The following TMPRSS15 variants were observed in gnomAD, a reference collection of about 807,000 sequenced individuals.
TMPRSS15 encodes transmembrane serine protease 15.
TMPRSS15 carries 128 observed loss-of-function variants against 125.3 expected under a neutral mutation model. That is an observed-to-expected ratio of 1.02 (90% CI 0.89 to 1.18). TMPRSS15 has a LOEUF of 1.18. Among genes scored for constraint, TMPRSS15 ranks in the 50% most tolerant of loss-of-function variants. The pLI, the probability that TMPRSS15 is intolerant of heterozygous loss-of-function variation, is 0.00. For missense variants in TMPRSS15, 1,283 were observed against 1,212.7 expected, an observed-to-expected ratio of 1.06 and a Z score of -0.86; for synonymous variants, 446 against 423.2, an observed-to-expected ratio of 1.05 and a Z score of -0.66.
upstream of TMPRSS15, among the ~76,000 whole-genome samples, chr21:18,408,192 G>C (rs1481688623): frequency 6.6e-6 from 1 of 152,154 alleles, no homozygotes; most frequent in East Asian, 1.9e-4. Context: ...GTGTTCATTT[G>C]TTCACAAATA....
At chr21:18,448,854 T>A (rs1043735690) in intron 1 of TMPRSS15, among the ~76,000 whole-genome samples, 1 of 152,168 alleles carries the variant, frequency 6.6e-6, no homozygotes, top group Non-Finnish European at 1.5e-5. Flanking sequence ...AATATAATAC[T>A]TCAGTAAAAA....
intron 18 of TMPRSS15, among the ~76,000 whole-genome samples, chr21:18,310,696 C>A (rs2146931921): frequency 6.6e-6 from 1 of 151,980 alleles, no homozygotes; most frequent in Admixed American, 6.6e-5. Context: ...ACATTCTTCA[C>A]AGGAATAGAA....
chr21:18,276,979 TGGTCTCAAA>T (rs2146860097), intron 23 of TMPRSS15, among the ~76,000 whole-genome samples: 1 of 152,112 alleles, frequency 6.6e-6, no homozygotes, highest in East Asian at 1.9e-4. Context: ...TTGGCCAGGC[TGGTCTCAAA>T]CTCCTGACCT....
chr21:18,343,038 A>T (rs778236069), intron 12 of TMPRSS15, among the ~76,000 whole-genome samples: 1 of 152,230 alleles, frequency 6.6e-6, no homozygotes, highest in Non-Finnish European at 1.5e-5. Context: ...CCAATGCTAC[A>T]GCTCATATAA....
In TMPRSS15 at chr21:18,421,984, C is replaced by CTTTT. The variant is rs569146471; in HGVS notation, c.11-23659_11-23656dup. ...CAGAGGGCTGAAAGCAAGTATTACT[C>CTTTT]TTTTTTTTTTTTTTTTTCAGACTAC... On this transcript the variant is annotated intron_variant, in intron 1 of 7. Coordinates refer to the TMPRSS15 transcript ENST00000422787. Among the ~76,000 whole-genome samples the CTTTT allele has an allele frequency of 2.2e-3, 293 of 135,136 alleles. 3 individuals are homozygous for CTTTT. Among genetic ancestry groups the CTTTT allele is most frequent in the African/African-American group, 2.7e-3 (97 of 35,724 alleles). 88.7% of individuals were successfully genotyped at this position (135,136 alleles called of 152,430 possible).
chr21:18,387,612 T>TAC (rs57708622), intron 3 of TMPRSS15, among the ~76,000 whole-genome samples: 3,441 of 145,166 alleles, frequency 0.024, 54 homozygotes, highest in African/African-American at 0.04. Flanking sequence ...CACACACACA[T>TAC]ACACACACAC....
At chr21:18,278,851 C>G (rs1370722522) in intron 23 of TMPRSS15, 113 bp downstream of exon 23, 1 of 646,896 alleles carries the variant, frequency 1.5e-6, no homozygotes, top group African/African-American at 1.9e-5. Context: ...ATTGAAAAAA[C>G]TGTTATATAA....
intron 21 of TMPRSS15, among the ~76,000 whole-genome samples, chr21:18,285,360 A>G (rs2074750427): frequency 6.6e-6 from 1 of 152,224 alleles, no homozygotes; most frequent in South Asian, 2.1e-4. Flanking sequence ...TAAGACAGCT[A>G]TGATAGAGCA....
In TMPRSS15 at chr21:18,297,793, A is replaced by G. The variant is rs961872693; in HGVS notation, c.2202T>C (p.Asp734=). The part of the protein sequence containing the change: ...GNSSKPIFPT[D]GGPFVKLNTA... ...TGTTTAATTTGACAAATGGTCCACC[A>G]TCGGTAGGGAAGATTGGCTTTGATG... is the stretch of plus-strand genomic sequence containing the variant. Residue 734 remains aspartate, a synonymous_variant, in exon 19 of 25, where the codon GAT becomes GAC. Transcript: ENST00000284885. The G allele has an allele frequency of 3.1e-6, 5 of 1,613,840 alleles. No homozygotes were observed. Among genetic ancestry groups the G allele is most frequent in the African/African-American group, 2.7e-5 (2 of 75,042 alleles).
rs148853461 is a variant in TMPRSS15, at chr21:18,453,309, G to A, written c.10+32490C>T. Among the ~76,000 whole-genome samples the A allele has an allele frequency of 1.0e-3, 157 of 152,274 alleles. 3 individuals are homozygous for A. In the East Asian group the frequency reaches 0.029, roughly 28 times the overall value. On this transcript the variant is annotated intron_variant, in intron 1 of 7. Transcript: ENST00000422787. ...GCCCTCCAGATACTCATAAACACGT[G>A]TCATGCTCTCCACCCCATATCTCTG...
intron 16 of TMPRSS15, among the ~76,000 whole-genome samples, chr21:18,320,613 T>C (rs2075223934): frequency 6.6e-6 from 1 of 152,212 alleles, no homozygotes; most frequent in African/African-American, 2.4e-5. Context: ...TTATATTCTA[T>C]GAATCCAGAA....
chr21:18,393,509 T>C (rs1334362860), intron 3 of TMPRSS15, among the ~76,000 whole-genome samples: 1 of 152,188 alleles, frequency 6.6e-6, no homozygotes, highest in Non-Finnish European at 1.5e-5. Context: ...TGGACTAGAA[T>C]GAATTTTCTT....
chr21:18,356,081 C>T (rs1427927175), intron 8 of TMPRSS15, among the ~76,000 whole-genome samples: 1 of 151,790 alleles, frequency 6.6e-6, no homozygotes, highest in Non-Finnish European at 1.5e-5. Flanking sequence ...TACTAAAAAT[C>T]CAAAACTTTT....
intron 16 of TMPRSS15, among the ~76,000 whole-genome samples, chr21:18,319,546 A>C (rs1005414250): frequency 3.3e-5 from 5 of 149,382 alleles, no homozygotes; most frequent in Non-Finnish European, 7.4e-5. Flanking sequence ...CTCCTGCCTC[A>C]GCCTCCCAAG....
chr21:18,281,890 G>A (rs2074702892), intron 21 of TMPRSS15, among the ~76,000 whole-genome samples: 2 of 151,950 alleles, frequency 1.3e-5, no homozygotes, highest in South Asian at 2.1e-4. Flanking sequence ...AAGGTCAGGG[G>A]ATCGAGACCA....
intron 18 of TMPRSS15, among the ~76,000 whole-genome samples, chr21:18,304,157 C>A (rs956370978): frequency 1.3e-5 from 2 of 152,072 alleles, no homozygotes; most frequent in Admixed American, 6.6e-5. Flanking sequence ...GTGGTTCTAA[C>A]AAAGTCAAAG....
chr21:18,468,608 A>T (rs570353122), intron 1 of TMPRSS15, among the ~76,000 whole-genome samples: 42 of 152,270 alleles, frequency 2.8e-4, no homozygotes, highest in Admixed American at 2.7e-3. Flanking sequence ...TTTATTATAT[A>T]CATTTAGAAG....
Position 18,329,284 on chromosome 21 carries a change from A to G in TMPRSS15, c.1665T>C (p.Ile555=). 6.2e-7 allele frequency: 1 copy of G among 1,610,224 alleles called. No homozygotes were observed. The highest frequency in any genetic ancestry group is 8.5e-7 in the Non-Finnish European group (1 of 1,177,864). ...TATTCTTTCCTTTTTGTGCATTTAA[A>G]ATCCAAACACCTAAAAAGTAAGAAG... ...SYPNLAFCVW[I]LNAQKGKNIQ... is the part of the protein sequence containing the mutation. Residue 555 remains isoleucine (I), a synonymous_variant, in exon 15 of 25, where the codon ATT becomes ATC. Coordinates refer to ENST00000284885, the MANE Select transcript of TMPRSS15 (RefSeq NM_002772.3).
At chr21:18,483,044 T>A (rs185485543) in intron 1 of TMPRSS15, among the ~76,000 whole-genome samples, 33 of 151,956 alleles carry the variant, frequency 2.2e-4, no homozygotes, top group Non-Finnish European at 3.8e-4. Flanking sequence ...ATTAGTGGAA[T>A]ACTATTAGTA....
Sources: gnomAD v4.1 joint callset for allele counts (sites outside exome capture counted in the v4.1 genomes callset) on GRCh38, gnomAD v4.1.1 for gene constraint, MANE v1.5 for transcripts, NCBI Gene and HGNC (gene_info 2026-07-23, HGNC 2026-07-21) for gene names.